TM9SF3: variants seen among roughly 807,000 people sequenced by gnomAD.
TM9SF3 encodes the protein SM-11044-binding protein.
In TM9SF3, 14 loss-of-function variants were observed where a neutral mutation model predicts 78.6. That is an observed-to-expected ratio of 0.18 (90% CI 0.12 to 0.28). The LOEUF (loss-of-function observed/expected upper bound fraction) is 0.28. Ranked by LOEUF, TM9SF3 falls within the 10% of genes least tolerant of loss-of-function variation. TM9SF3 has a pLI of 1.00. For synonymous variants in TM9SF3, 231 were observed against 241.7 expected (o/e 0.96, Z 0.41); for missense variants, 496 against 721.9 (o/e 0.69, Z 3.59).
At chr10:96,530,918 ACTT>A (rs976884233) in intron 10 of TM9SF3, among the ~76,000 whole-genome samples, 4 of 152,132 alleles carry the variant, frequency 2.6e-5, no homozygotes, top group African/African-American at 9.7e-5. Flanking sequence ...GACTCCCATA[ACTT>A]CTTAGAACTC....
intron 1 of TM9SF3, among the ~76,000 whole-genome samples, chr10:96,584,415 G>C (rs531855482): frequency 6.6e-6 from 1 of 152,306 alleles, no homozygotes; most frequent in South Asian, 2.1e-4. Flanking sequence ...AAAGATTTTG[G>C]CTAACAGTGA....
chr10:96,539,941 T>C (rs563223916), intron 9 of TM9SF3, among the ~76,000 whole-genome samples: 24 of 152,346 alleles, frequency 1.6e-4, no homozygotes, highest in Admixed American at 1.2e-3. Context: ...TAGCTCTGCC[T>C]ATCTCTTTGC....
intron 9 of TM9SF3, among the ~76,000 whole-genome samples, chr10:96,538,944 G>A (rs756953793): frequency 2.6e-5 from 4 of 152,170 alleles, no homozygotes; most frequent in Non-Finnish European, 4.4e-5. Flanking sequence ...AACTATTTTG[G>A]AAAAGTTTAG....
chr10:96,521,248 A>C lies in TM9SF3; in HGVS notation c.*1015T>G, dbSNP rs138143171. On this transcript the variant is annotated 3_prime_UTR_variant, in exon 15 of 15. Transcript: ENST00000371142. ...ATCACACATTTCTACACCAATCATC[A>C]TAAGAAAAAAGTACTCTGTAGTCGA... 1 of 210,924 alleles carries C rather than the reference A, an allele frequency of 4.7e-6. No homozygotes were observed. The highest frequency in any genetic ancestry group is 9.4e-6 in the Non-Finnish European group (1 of 106,442). 13.1% of individuals were successfully genotyped at this position (210,924 alleles called of 1,614,324 possible).
chr10:96,524,553 T>C (rs925643635), intron 14 of TM9SF3, among the ~76,000 whole-genome samples: 8 of 151,894 alleles, frequency 5.3e-5, no homozygotes, highest in Non-Finnish European at 1.0e-4. Flanking sequence ...CCTAATCTTA[T>C]GAGTACCTCA....
At chr10:96,576,187 G>A (rs1357181752) in intron 2 of TM9SF3, among the ~76,000 whole-genome samples, 1 of 152,148 alleles carries the variant, frequency 6.6e-6, no homozygotes, top group Non-Finnish European at 1.5e-5. Flanking sequence ...ATCCATGAAG[G>A]TCTTCCCGGG....
At chr10:96,576,096 A>T (rs1240658433) in intron 2 of TM9SF3, among the ~76,000 whole-genome samples, 1 of 152,188 alleles carries the variant, frequency 6.6e-6, no homozygotes, top group Non-Finnish European at 1.5e-5. Flanking sequence ...TACAAGTTTG[A>T]ATTTGAGGCG....
At chr10:96,527,940 C>T in intron 12 of TM9SF3, 91 bp downstream of exon 12, 2 of 1,286,346 alleles carry the variant, frequency 1.6e-6, no homozygotes, top group Non-Finnish European at 2.1e-6. Context: ...CATTTCTATA[C>T]AGCTCTTTAC....
At chr10:96,540,462 G>C (rs1417890807) in intron 9 of TM9SF3, among the ~76,000 whole-genome samples, 1 of 152,166 alleles carries the variant, frequency 6.6e-6, no homozygotes, top group East Asian at 1.9e-4. Flanking sequence ...AGACTTTCAA[G>C]CTAAGGCAGC....
At chr10:96,547,752 G>T in intron 8 of TM9SF3, 143 bp downstream of exon 8, 4 of 613,412 alleles carry the variant, frequency 6.5e-6, no homozygotes, top group Non-Finnish European at 1.1e-5. Flanking sequence ...CCCAGGAGGT[G>T]GAGACTGCAG....
rs1401934698 is a variant in TM9SF3, at chr10:96,586,904, G to GCCGCCT, written c.-75_-70dup. 2 of 1,118,286 alleles carry GCCGCCT rather than the reference G, an allele frequency of 1.8e-6. No individual in the cohort carries two copies. The highest frequency in any genetic ancestry group is 1.1e-6 in the Non-Finnish European group (1 of 906,790). The allele number at this position is 1,118,286 out of a possible 1,614,324, so 69.3% of individuals were successfully genotyped here. On this transcript the variant is annotated 5_prime_UTR_variant, in exon 1 of 15. Transcript: ENST00000371142. The stretch of plus-strand genomic sequence containing the variant: ...TCCCGCCGCCGCCTCCTCCGCCGCC[G>GCCGCCT]CCGCCTCCGCCGCGGCCGATTCGCA...
intron 1 of TM9SF3, 94 bp downstream of exon 1, chr10:96,586,640 C>T (rs1848634561): frequency 1.8e-6 from 2 of 1,081,222 alleles, no homozygotes; most frequent in Non-Finnish European, 2.3e-6. Flanking sequence ...TGGGGCACCA[C>T]CGGGCCGCCG....
chr10:96,551,696 C>G (rs1848172215), intron 6 of TM9SF3, among the ~76,000 whole-genome samples: 1 of 152,132 alleles, frequency 6.6e-6, no homozygotes, highest in Non-Finnish European at 1.5e-5. Flanking sequence ...ATTGGGAGAA[C>G]AGTGCACTGA....
intron 1 of TM9SF3, among the ~76,000 whole-genome samples, chr10:96,586,395 G>C (rs1344009185): frequency 3.9e-5 from 6 of 152,104 alleles, no homozygotes; most frequent in African/African-American, 2.4e-5. Flanking sequence ...CAGCCTGCCC[G>C]TTGCCCCGCT....
At position 96,551,465 on chromosome 10, in the gene TM9SF3, T is replaced by G. The variant is rs549909957; in HGVS notation, c.793-54A>C. On this transcript the variant is annotated intron_variant, in intron 6 of 14. Transcript: ENST00000371142. ...AAAAGCAAATCATTCAGAATCAAACTAAAACATAGTATGTAAAAATTACAG... is the reference window on the plus strand; with the variant it reads ...AAAAGCAAATCATTCAGAATCAAACGAAAACATAGTATGTAAAAATTACAG... 3.0e-5 allele frequency: 38 copies of G among 1,281,968 alleles called. No homozygotes were observed. In the Admixed American group the frequency reaches 6.6e-4, roughly 22 times the overall value. The allele number at this position is 1,281,968 out of a possible 1,614,324, so 79.4% of individuals were successfully genotyped here.
Position 96,544,117 on chromosome 10 carries a change from T to G in TM9SF3, c.1144A>C (p.Ile382Leu), listed in dbSNP as rs763864099. Residue 382 changes from isoleucine to leucine, a missense_variant, in exon 9 of 15, where the codon ATT (isoleucine) becomes CTT (leucine). Transcript: ENST00000371142. ...GTAFFINFIAIYYHASRAIPF... is the reference protein window; with the variant it reads ...GTAFFINFIALYYHASRAIPF... ...ATGGCTCTTGAAGCATGGTAATAAA[T>G]GGCTATGAAATTGATGAAGAAGGCA... The G allele has an allele frequency of 3.1e-6, 5 of 1,613,228 alleles. No homozygotes were observed. Among genetic ancestry groups the G allele is most frequent in the Non-Finnish European group, 4.2e-6 (5 of 1,179,640 alleles).
At chr10:96,526,111 G>T (rs1564927019) in intron 14 of TM9SF3, among the ~76,000 whole-genome samples, 2 of 152,066 alleles carry the variant, frequency 1.3e-5, no homozygotes, top group Non-Finnish European at 2.9e-5. Flanking sequence ...TATGAGGTAG[G>T]TATTATTTCT....
At chr10:96,580,939 G>A (rs1848561430) in intron 1 of TM9SF3, among the ~76,000 whole-genome samples, 1 of 152,098 alleles carries the variant, frequency 6.6e-6, no homozygotes, top group Admixed American at 6.5e-5. Flanking sequence ...AAGTTTAAAA[G>A]GTTAGTATTT....
intron 5 of TM9SF3, among the ~76,000 whole-genome samples, chr10:96,559,280 G>GT (rs1175156227): frequency 1.3e-5 from 2 of 152,176 alleles, no homozygotes; most frequent in Non-Finnish European, 2.9e-5. Context: ...AGTTTCAGTA[G>GT]TAAGAAGCCC....
Sources: allele counts gnomAD v4.1 joint callset (sites outside exome capture counted in the v4.1 genomes callset), GRCh38; gene constraint gnomAD v4.1.1; transcripts MANE v1.5; gene names NCBI Gene and HGNC (gene_info 2026-07-23, HGNC 2026-07-21).